The following GAB3 variants were observed in gnomAD, a reference collection of about 807,000 sequenced individuals.
The protein encoded by GAB3 is GRB2-associated-binding protein 3.
A neutral mutation model predicts 40.4 loss-of-function variants in GAB3; 12 were observed. The ratio of observed to expected loss-of-function variants is 0.30; its 90% CI spans 0.19 to 0.48. GAB3 has a LOEUF of 0.48. Among genes scored for constraint, GAB3 ranks in the 20% least tolerant of loss-of-function variants. The pLI is 0.99. For synonymous variants in GAB3, 154 were observed against 176.7 expected, an observed-to-expected ratio of 0.87 and a Z score of 1.02; for missense variants, 381 against 461.9, an observed-to-expected ratio of 0.82 and a Z score of 1.61.
At chrX:154,693,379 A>G (rs2070602244) in intron 8 of GAB3, among the ~76,000 whole-genome samples, 1 of 112,387 alleles carries the variant, frequency 8.9e-6, no homozygotes, top group African/African-American at 3.2e-5. Context: ...GACAAACAAG[A>G]TATGACACAT....
At chrX:154,696,208 T>C (rs1489365298) in intron 7 of GAB3, 189 bp from the exon 8 acceptor site, 1 of 271,917 alleles carries the variant, frequency 3.7e-6, no homozygotes, top group Non-Finnish European at 6.6e-6. Context: ...GGCAAATGGC[T>C]CCCAATTCAC....
At chrX:154,689,059 T>C (rs1186765359) in intron 8 of GAB3, among the ~76,000 whole-genome samples, 1 of 111,022 alleles carries the variant, frequency 9.0e-6, no homozygotes, top group Non-Finnish European at 1.9e-5. Flanking sequence ...TCAAAAAGCT[T>C]ATCCACCATG....
In GAB3 at chrX:154,689,114, C is replaced by T. The variant is rs782635349; in HGVS notation, c.1530+6803G>A. On this transcript the variant is annotated intron_variant, in intron 8 of 9. Coordinates refer to ENST00000424127, the MANE Select transcript of GAB3 (RefSeq NM_001081573.3). The stretch of plus-strand genomic sequence containing the variant: ...TGGGATGCAAGGCTGGTTCAATATA[C>T]GCAAATCAGTAAATGTAATCCAGCA... Among the ~76,000 whole-genome samples the T allele has an allele frequency of 6.6e-3, 732 of 110,549 alleles. 7 individuals carry two copies. Among genetic ancestry groups the T allele is most frequent in the African/African-American group, 0.022 (679 of 30,390 alleles).
intron 1 of GAB3, among the ~76,000 whole-genome samples, chrX:154,741,005 G>C (rs1371109052): frequency 8.9e-6 from 1 of 111,982 alleles, no homozygotes; most frequent in Admixed American, 9.4e-5. Flanking sequence ...TTGAATTGTA[G>C]CTCCTATACT....
intron 1 of GAB3, among the ~76,000 whole-genome samples, chrX:154,748,541 TTC>T (rs2071562657): frequency 8.9e-6 from 1 of 112,383 alleles, no homozygotes; most frequent in African/African-American, 3.2e-5. Context: ...AAAAATAACT[TTC>T]TGATTGTCTT....
At position 154,695,626 on chromosome X, in the gene GAB3, G is replaced by A. The variant is rs73641108; in HGVS notation, c.1530+291C>T. Among the ~76,000 whole-genome samples, 580 of 112,543 alleles carry A rather than the reference G, an allele frequency of 5.2e-3. 2 individuals carry two copies. The highest frequency in any genetic ancestry group is 0.018 in the African/African-American group (557 of 31,005). On this transcript the variant is annotated intron_variant, in intron 8 of 9. Coordinates refer to ENST00000424127, the MANE Select transcript of GAB3 (RefSeq NM_001081573.3). Reference sequence around the variant, plus strand: ...GGTCAAACAGGACATCACAGCCTTGGTGAAAAGAATTGCTGGCATTTCCAT... The same window carrying A: ...GGTCAAACAGGACATCACAGCCTTGATGAAAAGAATTGCTGGCATTTCCAT...
chrX:154,678,439 T>C, intron 9 of GAB3, 145 bp from the exon 10 acceptor site: 1 of 427,204 alleles, frequency 2.3e-6, no homozygotes, highest in Non-Finnish European at 4.1e-6. Flanking sequence ...CTTGTGTGTG[T>C]GCACGCACGT....
At chrX:154,692,589 A>G (rs2070589140) in intron 8 of GAB3, among the ~76,000 whole-genome samples, 1 of 111,688 alleles carries the variant, frequency 9.0e-6, no homozygotes, top group South Asian at 3.7e-4. Context: ...GGAGTTCGAG[A>G]CCAGCCTTGC....
At chrX:154,713,147 G>A (rs1442519780) in intron 3 of GAB3, 60 bp downstream of exon 3, 8 of 948,692 alleles carry the variant, frequency 8.4e-6, no homozygotes, top group Non-Finnish European at 1.2e-5. Flanking sequence ...AGGAGGCAGT[G>A]TGACTCTAGA....
chrX:154,704,858 C>T (rs1245878664), intron 4 of GAB3, among the ~76,000 whole-genome samples: 3 of 111,590 alleles, frequency 2.7e-5, no homozygotes, highest in African/African-American at 9.8e-5. Flanking sequence ...AATTCCTGGA[C>T]ACGTAAAACC....
At chrX:154,711,232 A>G (rs2070939256) in intron 4 of GAB3, among the ~76,000 whole-genome samples, 1 of 112,039 alleles carries the variant, frequency 8.9e-6, no homozygotes, top group African/African-American at 3.2e-5. Context: ...CAATGGAGAG[A>G]GAAAGAAAGA....
chrX:154,750,691 C>T (rs1219770138), intron 1 of GAB3, among the ~76,000 whole-genome samples: 1 of 112,740 alleles, frequency 8.9e-6, no homozygotes, highest in Non-Finnish European at 1.9e-5. Flanking sequence ...CCCAACCCGC[C>T]TCCCTCCGCT....
chrX:154,691,917 A>T (rs2070576314), intron 8 of GAB3, among the ~76,000 whole-genome samples: 1 of 112,087 alleles, frequency 8.9e-6, no homozygotes, highest in Admixed American at 9.5e-5. Context: ...TGGAAAGGAT[A>T]GTCTAGACTT....
At chrX:154,688,302 CAG>C (rs1557248373) in intron 8 of GAB3, among the ~76,000 whole-genome samples, 1 of 104,574 alleles carries the variant, frequency 9.6e-6, no homozygotes, top group African/African-American at 3.5e-5. Flanking sequence ...TTTTTTGAGA[CAG>C]AGTCTTACTC....
At chrX:154,728,695 C>T (rs1304986619) in intron 1 of GAB3, among the ~76,000 whole-genome samples, 1 of 112,354 alleles carries the variant, frequency 8.9e-6, no homozygotes, top group Admixed American at 9.4e-5. Flanking sequence ...CAGCAACTGG[C>T]TCCAACTTTC....
At chrX:154,715,963 C>T (rs1557257517) in intron 2 of GAB3, 63 bp downstream of exon 2, 8 of 1,063,288 alleles carry the variant, frequency 7.5e-6, no homozygotes, top group Non-Finnish European at 1.0e-5. Context: ...AACTGTTTTT[C>T]TGCAGTAACC....
intron 1 of GAB3, among the ~76,000 whole-genome samples, chrX:154,718,254 T>C (rs1429709138): frequency 9.2e-6 from 1 of 109,283 alleles, no homozygotes; most frequent in Admixed American, 9.8e-5. Flanking sequence ...CCTCCAATTA[T>C]GCCTTAGAAT....
chrX:154,750,233 C>A (rs1342526984), intron 1 of GAB3, among the ~76,000 whole-genome samples: 3 of 112,434 alleles, frequency 2.7e-5, no homozygotes, highest in Non-Finnish European at 5.6e-5. Context: ...TTTTTAAGAC[C>A]TTATCGTGAG....
intron 4 of GAB3, 147 bp from the exon 5 acceptor site, chrX:154,700,206 A>C (rs1156345800): frequency 2.2e-6 from 1 of 450,790 alleles, no homozygotes; most frequent in East Asian, 3.8e-5. Context: ...ATGAAAAATC[A>C]GACCAGATTT....
Sources: gnomAD v4.1 joint callset for allele counts (sites outside exome capture counted in the v4.1 genomes callset) on GRCh38, gnomAD v4.1.1 for gene constraint, MANE v1.5 for transcripts, NCBI Gene and HGNC (gene_info 2026-07-23, HGNC 2026-07-21) for gene names.